The following DDB2 variants were observed in gnomAD, a reference collection of about 807,000 sequenced individuals.
DDB2 encodes damage specific DNA binding protein 2.
In DDB2, 27 loss-of-function variants were observed where a neutral mutation model predicts 50.5. That is an observed-to-expected ratio of 0.53 (90% CI 0.39 to 0.74). The LOEUF (loss-of-function observed/expected upper bound fraction) is 0.74, where lower values mean the gene tolerates loss of function less well. Ranked by LOEUF, DDB2 falls within the 30% of genes least tolerant of loss-of-function variation. The probability of loss-of-function intolerance (pLI) is 0.00; values close to 1 mark genes in which losing one functional copy is unlikely to be tolerated. For missense variants in DDB2, 424 were observed against 545.6 expected (o/e 0.78, Z 2.22); for synonymous variants, 176 against 205.5 (o/e 0.86, Z 1.23).
rs888007020 is a variant in DDB2, at chr11:47,238,722, G to A, written c.1235-78G>A. The A allele has an allele frequency of 7.8e-6, 12 of 1,530,498 alleles. No homozygotes were observed. The Middle Eastern group carries it at 7.0e-4, about 89-fold the overall frequency. 94.8% of individuals were successfully genotyped at this position (1,530,498 alleles called of 1,614,324 possible). On this transcript the variant is annotated intron_variant, in intron 9 of 9. Coordinates refer to ENST00000256996, the MANE Select transcript of DDB2 (RefSeq NM_000107.3). The stretch of plus-strand genomic sequence containing the variant: ...CTTCCTAGTATTTCTTTACCAAATT[G>A]TAGGTTTGCGGGCCAGCCCCAGGCT...
chr11:47,230,033 G>T (rs1423116643), intron 3 of DDB2, among the ~76,000 whole-genome samples: 2 of 151,112 alleles, frequency 1.3e-5, no homozygotes, highest in African/African-American at 4.9e-5. Flanking sequence ...GGACCCAGTG[G>T]GTCATGCCTG....
At chr11:47,215,405 C>T (rs1273444374) in intron 1 of DDB2, 142 bp downstream of exon 1, 1 of 1,199,200 alleles carries the variant, frequency 8.3e-7, no homozygotes, top group African/African-American at 1.5e-5. Flanking sequence ...ACCTGCAGGT[C>T]CTTTGACACC....
At chr11:47,216,700 C>T (rs916643112) in intron 2 of DDB2, among the ~76,000 whole-genome samples, 158 bp from the exon 3 acceptor site, 17 of 152,182 alleles carry the variant, frequency 1.1e-4, no homozygotes, top group Admixed American at 5.9e-4. Context: ...ATTATTCGTT[C>T]GTGTACATTG....
chr11:47,235,150 CT>C, intron 6 of DDB2, 119 bp from the exon 7 acceptor site: 1 of 1,473,036 alleles, frequency 6.8e-7, no homozygotes, highest in South Asian at 1.1e-5. Flanking sequence ...TCACCTCTTC[CT>C]TTCCGCTCCT....
chr11:47,215,627 A>G, intron 1 of DDB2: 1 of 358,868 alleles, frequency 2.8e-6, no homozygotes, highest in Non-Finnish European at 5.4e-6. Flanking sequence ...GTCAGTTGTG[A>G]GAGCCCCCAA....
chr11:47,232,891 G>C lies in DDB2; in HGVS notation c.534G>C (p.Glu178Asp). Residue 178 changes from glutamate (E) to aspartate (D), a missense_variant, in exon 4 of 10, where the codon GAG becomes GAC. By Grantham distance (45) the Glu-to-Asp change is conservative. Coordinates refer to ENST00000256996, the MANE Select transcript of DDB2 (RefSeq NM_000107.3). ...ACCAGTTTTACGCCTCCTCAATGGA[G>C]GGAACAACTAGGCTGCAAGACTTTA... ...NTNQFYASSM[E>D]GTTRLQDFKG... 6.2e-7 allele frequency: 1 copy of C among 1,614,156 alleles called. No homozygotes were observed. The highest frequency in any genetic ancestry group is 8.5e-7 in the Non-Finnish European group (1 of 1,180,014).
intron 1 of DDB2, chr11:47,216,073 C>T (rs939418437): frequency 7.4e-5 from 42 of 566,864 alleles, no homozygotes; most frequent in South Asian, 4.6e-4. Flanking sequence ...GTTTCTTTGG[C>T]TGGGGTCTCA....
chr11:47,222,058 C>T (rs142745076), intron 3 of DDB2, among the ~76,000 whole-genome samples: 1 of 152,226 alleles, frequency 6.6e-6, no homozygotes, highest in Non-Finnish European at 1.5e-5. Context: ...ACTGTGAAGC[C>T]ATCACCACAA....
intron 3 of DDB2, among the ~76,000 whole-genome samples, chr11:47,228,893 G>C (rs982885781): frequency 6.8e-6 from 1 of 147,134 alleles, no homozygotes; most frequent in Non-Finnish European, 1.5e-5. Flanking sequence ...GGAGGCGGAG[G>C]TTGCAGTGAC....
chr11:47,217,941 C>T (rs770358422), intron 3 of DDB2, among the ~76,000 whole-genome samples: 2 of 152,138 alleles, frequency 1.3e-5, no homozygotes, highest in Non-Finnish European at 2.9e-5. Context: ...CATCTTACGC[C>T]ATTGTCTTTT....
intron 3 of DDB2, among the ~76,000 whole-genome samples, chr11:47,225,966 G>A (rs915599683): frequency 1.2e-4 from 18 of 152,202 alleles, no homozygotes; most frequent in African/African-American, 4.1e-4. Context: ...GCTGAATAAT[G>A]TTCCATTGTT....
At chr11:47,221,081 T>G (rs1490456647) in intron 3 of DDB2, among the ~76,000 whole-genome samples, 3 of 151,900 alleles carry the variant, frequency 2.0e-5, no homozygotes, top group Non-Finnish European at 2.9e-5. Flanking sequence ...GAGAATCACT[T>G]GAACCTGGGA....
chr11:47,217,750 A>G (rs572129465), intron 3 of DDB2, among the ~76,000 whole-genome samples: 3 of 151,762 alleles, frequency 2.0e-5, no homozygotes, highest in South Asian at 2.1e-4. Context: ...AATTAGCTGG[A>G]TGTGGTGGTG....
chr11:47,237,581 C>T, intron 7 of DDB2: 1 of 421,704 alleles, frequency 2.4e-6, no homozygotes, highest in Non-Finnish European at 4.5e-6. Flanking sequence ...CAGGCATGTA[C>T]CACCACGCCC....
At chr11:47,229,264 A>C (rs905373720) in intron 3 of DDB2, among the ~76,000 whole-genome samples, 1 of 152,110 alleles carries the variant, frequency 6.6e-6, no homozygotes, top group African/African-American at 2.4e-5. Flanking sequence ...AGAGTAGAGG[A>C]GGCCGGGCAT....
At chr11:47,238,640 C>T (rs1185664890) in intron 9 of DDB2, among the ~76,000 whole-genome samples, 160 bp from the exon 10 acceptor site, 2 of 152,000 alleles carry the variant, frequency 1.3e-5, no homozygotes, top group Non-Finnish European at 2.9e-5. Flanking sequence ...CCTCGTGATC[C>T]GCCCACCTCA....
At chr11:47,237,364 A>T (rs1953741773) in intron 7 of DDB2, among the ~76,000 whole-genome samples, 1 of 152,164 alleles carries the variant, frequency 6.6e-6, no homozygotes, top group South Asian at 2.1e-4. Context: ...CACACAACCT[A>T]AAACCATTCT....
chr11:47,235,092 C>A, intron 6 of DDB2, 158 bp downstream of exon 6: 1 of 1,255,964 alleles, frequency 8.0e-7, no homozygotes, highest in Non-Finnish European at 1.1e-6. Context: ...CTGTCCCCAT[C>A]AGCTGCTGAG....
upstream of DDB2, chr11:47,214,792 T>C: frequency 2.8e-6 from 1 of 358,040 alleles, no homozygotes. Flanking sequence ...AAAAAATCCA[T>C]AAAGCCGGGG....
Sources: gnomAD v4.1 joint callset for allele counts (sites outside exome capture counted in the v4.1 genomes callset) on GRCh38, gnomAD v4.1.1 for gene constraint, MANE v1.5 for transcripts, NCBI Gene and HGNC (gene_info 2026-07-23, HGNC 2026-07-21) for gene names.